Variants in FOXN3 observed in about 807,000 individuals in gnomAD.
FOXN3 encodes forkhead box N3, also known as forkhead box protein N3.
A neutral mutation model predicts 38.4 loss-of-function variants in FOXN3; 7 were observed. The ratio of observed to expected loss-of-function variants is 0.18; its 90% CI spans 0.10 to 0.34. The LOEUF (loss-of-function observed/expected upper bound fraction) is 0.34. Ranked by LOEUF, FOXN3 falls within the 10% of genes least tolerant of loss-of-function variation. The pLI is 1.00. For synonymous variants in FOXN3, 230 were observed against 242.2 expected (o/e 0.95, Z 0.47); for missense variants, 456 against 613.4 (o/e 0.74, Z 2.71).
At chr14:89,576,550 A>AC (rs398026106) in intron 1 of FOXN3, 1 of 146,186 alleles carries the variant, frequency 6.8e-6, no homozygotes, top group African/African-American at 2.5e-5. Flanking sequence ...AAAAAAAAAA[A>AC]CCCAAAACAA....
chr14:89,168,814 C>T (rs967111862), intron 5 of FOXN3, among the ~76,000 whole-genome samples: 1 of 152,198 alleles, frequency 6.6e-6, no homozygotes, highest in South Asian at 2.1e-4. Context: ...AGACACATCA[C>T]AGTCAAACTT....
At chr14:89,364,742 G>A (rs1341621196) in intron 2 of FOXN3, 1 of 152,218 alleles carries the variant, frequency 6.6e-6, no homozygotes, top group Non-Finnish European at 1.5e-5. Context: ...CCTGAGCTCT[G>A]TGATGATTTT....
chr14:89,450,271 T>C (rs1291050947), intron 1 of FOXN3, among the ~76,000 whole-genome samples: 3 of 152,202 alleles, frequency 2.0e-5, no homozygotes, highest in Non-Finnish European at 4.4e-5. Flanking sequence ...ACACCAATCA[T>C]TGGATTTAGG....
chr14:89,422,884 T>C (rs1596266760), intron 1 of FOXN3, among the ~76,000 whole-genome samples: 1 of 152,182 alleles, frequency 6.6e-6, no homozygotes, highest in East Asian at 1.9e-4. Context: ...GTGAAGTTCA[T>C]CAGCTCAGGT....
At position 89,377,960 on chromosome 14, in the gene FOXN3, G is replaced by A. The variant is rs140716494; in HGVS notation, c.544-27152C>T. Among the ~76,000 whole-genome samples the A allele has an allele frequency of 1.6e-3, 247 of 152,254 alleles. 1 individual carries two copies. Among genetic ancestry groups the A allele is most frequent in the South Asian group, 5.6e-3 (27 of 4,818 alleles). ...CATGTGGAAGACATGTGGGGAAGGC[G>A]GCCGTCTGCAAGCCAAGAAGAGAGG... On this transcript the variant is annotated intron_variant, in intron 2 of 5. Coordinates refer to ENST00000557258, the MANE Select transcript of FOXN3 (RefSeq NM_005197.4).
chr14:89,345,960 G>A (rs368202681), intron 3 of FOXN3, among the ~76,000 whole-genome samples: 2 of 152,218 alleles, frequency 1.3e-5, no homozygotes, highest in Admixed American at 6.5e-5. Context: ...GGCTGAAGCA[G>A]GAGAATCACT....
intron 4 of FOXN3, among the ~76,000 whole-genome samples, chr14:89,264,719 C>T (rs369686745): frequency 2.6e-5 from 4 of 152,264 alleles, no homozygotes; most frequent in South Asian, 2.1e-4. Context: ...GCTATGAGGA[C>T]GCTACTCAGT....
At chr14:89,523,001 C>T (rs950208538) in intron 1 of FOXN3, among the ~76,000 whole-genome samples, 2 of 151,580 alleles carry the variant, frequency 1.3e-5, no homozygotes, top group South Asian at 2.1e-4. Flanking sequence ...ACCACAACTA[C>T]GTTAAAAGCA....
At chr14:89,466,142 G>T (rs1436288443) in intron 1 of FOXN3, among the ~76,000 whole-genome samples, 1 of 152,174 alleles carries the variant, frequency 6.6e-6, no homozygotes, top group Non-Finnish European at 1.5e-5. Flanking sequence ...CTCCAGCAAC[G>T]ACTGAATGCC....
chr14:89,277,331 C>T (rs1886329139), intron 4 of FOXN3, among the ~76,000 whole-genome samples: 1 of 152,238 alleles, frequency 6.6e-6, no homozygotes, highest in Non-Finnish European at 1.5e-5. Flanking sequence ...CTCTTCTGTT[C>T]AGCCTGCCCT....
chr14:89,212,532 G>A (rs1884128205), intron 4 of FOXN3, among the ~76,000 whole-genome samples: 1 of 152,182 alleles, frequency 6.6e-6, no homozygotes, highest in South Asian at 2.1e-4. Flanking sequence ...AGTTGCAGGG[G>A]TGGCAGTGGG....
chr14:89,242,995 G>C, intron 4 of FOXN3, among the ~76,000 whole-genome samples: 1 of 152,152 alleles, frequency 6.6e-6, no homozygotes, highest in South Asian at 2.1e-4. Context: ...TTATGCCCAA[G>C]TTTCTTCCCC....
chr14:89,465,107 G>C (rs1250870873), intron 1 of FOXN3, among the ~76,000 whole-genome samples: 1 of 152,186 alleles, frequency 6.6e-6, no homozygotes, highest in African/African-American at 2.4e-5. Flanking sequence ...AGAAGGATGT[G>C]TTTGCTTCCC....
At chr14:89,217,021 CTTTAA>C (rs956715873) in intron 4 of FOXN3, among the ~76,000 whole-genome samples, 9 of 152,206 alleles carry the variant, frequency 5.9e-5, no homozygotes, top group African/African-American at 2.2e-4. Flanking sequence ...GAAGATAACT[CTTTAA>C]TTTCTCTTTT....
At chr14:89,292,415 T>G (rs892978150) in intron 3 of FOXN3, among the ~76,000 whole-genome samples, 1 of 152,206 alleles carries the variant, frequency 6.6e-6, no homozygotes, top group Non-Finnish European at 1.5e-5. Flanking sequence ...AGGGGTCACC[T>G]GGGTCCCCCA....
chr14:89,547,651 C>A (rs1199702962), intron 1 of FOXN3, among the ~76,000 whole-genome samples: 22 of 152,076 alleles, frequency 1.4e-4, no homozygotes, highest in Admixed American at 1.4e-3. Context: ...TAGAAATTAT[C>A]ATTTGTAACC....
At chr14:89,305,107 G>A (rs561359451) in intron 3 of FOXN3, among the ~76,000 whole-genome samples, 1 of 152,290 alleles carries the variant, frequency 6.6e-6, no homozygotes, top group Admixed American at 6.5e-5. Context: ...CTGATCTGGA[G>A]GGGACGAGAG....
chr14:89,345,113 G>A (rs1888725397), intron 3 of FOXN3, among the ~76,000 whole-genome samples: 3 of 152,156 alleles, frequency 2.0e-5, no homozygotes, highest in Admixed American at 2.0e-4. Context: ...ACAAAGCACA[G>A]TGGAGTGCCA....
intron 1 of FOXN3, among the ~76,000 whole-genome samples, chr14:89,435,102 C>T (rs1892248655): frequency 6.6e-6 from 1 of 152,142 alleles, no homozygotes; most frequent in Non-Finnish European, 1.5e-5. Flanking sequence ...CAGCCTGGGG[C>T]CAGACACAGT....
Sources: allele counts gnomAD v4.1 joint callset (sites outside exome capture counted in the v4.1 genomes callset), GRCh38; gene constraint gnomAD v4.1.1; transcripts MANE v1.5; gene names NCBI Gene and HGNC (gene_info 2026-07-23, HGNC 2026-07-21).